Variants in DLGAP1 observed in about 807,000 individuals in gnomAD.
DLGAP1 encodes disks large-associated protein 1.
Under a neutral mutation model 90.8 loss-of-function variants are expected in DLGAP1, and 11 were observed. The observed-to-expected ratio is 0.12, with a 90% confidence interval of 0.08 to 0.20. DLGAP1 has a LOEUF of 0.20. Ranked by LOEUF, DLGAP1 falls within the 10% of genes least tolerant of loss-of-function variation. The pLI is 1.00. For synonymous variants in DLGAP1, 558 were observed against 540.7 expected, an observed-to-expected ratio of 1.03 and a Z score of -0.44; for missense variants, 1,050 against 1,333.8, an observed-to-expected ratio of 0.79 and a Z score of 3.31.
At chr18:3,768,121 C>T (rs752635607) in intron 5 of DLGAP1, among the ~76,000 whole-genome samples, 6 of 152,088 alleles carry the variant, frequency 3.9e-5, no homozygotes, top group Non-Finnish European at 8.8e-5. Flanking sequence ...GGATATAAGG[C>T]TAACATACAA....
rs115994238 is a variant in DLGAP1, at chr18:4,119,041, T to C, written c.-159+32139A>G. On this transcript the variant is annotated intron_variant, in intron 2 of 12. Transcript: ENST00000315677. ...ACATTTTTTCACAACGAAAATTTTC[T>C]CTTCTATTACTTCTCTATATGTTTT... Among the ~76,000 whole-genome samples the C allele has an allele frequency of 2.0e-3, 310 of 152,212 alleles. 2 individuals carry two copies. Among genetic ancestry groups the C allele is most frequent in the African/African-American group, 7.1e-3 (294 of 41,528 alleles).
intron 7 of DLGAP1, among the ~76,000 whole-genome samples, chr18:3,661,995 T>G (rs2146609626): frequency 6.6e-6 from 1 of 152,280 alleles, no homozygotes; most frequent in African/African-American, 2.4e-5. Context: ...TTGCTAACAT[T>G]ATCACTTGTA....
intron 3 of DLGAP1, among the ~76,000 whole-genome samples, chr18:3,931,692 T>C (rs1028290290): frequency 6.6e-6 from 1 of 152,174 alleles, no homozygotes; most frequent in African/African-American, 2.4e-5. Flanking sequence ...ACATATTGCT[T>C]TCAACATCCT....
intron 3 of DLGAP1, among the ~76,000 whole-genome samples, chr18:3,998,636 C>G (rs2074117246): frequency 6.6e-6 from 1 of 152,140 alleles, no homozygotes; most frequent in African/African-American, 2.4e-5. Context: ...TAATATTCAT[C>G]ATGAATTCAT....
intron 4 of DLGAP1, among the ~76,000 whole-genome samples, chr18:3,877,667 T>C (rs1471474356): frequency 3.3e-5 from 5 of 152,128 alleles, no homozygotes; most frequent in Admixed American, 3.3e-4. Context: ...TTAATGGCCA[T>C]TTCTCTAAGT....
intron 2 of DLGAP1, among the ~76,000 whole-genome samples, chr18:4,113,566 G>A (rs2076010681): frequency 6.6e-6 from 1 of 151,922 alleles, no homozygotes; most frequent in Non-Finnish European, 1.5e-5. Flanking sequence ...CATTCTGTAG[G>A]TTATCTGTTT....
intron 9 of DLGAP1, among the ~76,000 whole-genome samples, chr18:3,552,784 C>T (rs978779525): frequency 1.1e-4 from 17 of 152,162 alleles, no homozygotes; most frequent in African/African-American, 4.1e-4. Flanking sequence ...TTTTTAGCTC[C>T]ATCTTCATCC....
At chr18:4,207,908 A>G (rs2077755635) in intron 1 of DLGAP1, among the ~76,000 whole-genome samples, 1 of 152,202 alleles carries the variant, frequency 6.6e-6, no homozygotes, top group Non-Finnish European at 1.5e-5. Context: ...AATGCCTCAT[A>G]TTGTATTATC....
In DLGAP1 at chr18:4,356,121, C is replaced by T. The variant is rs574887114; in HGVS notation, c.-267+98885G>A. On this transcript the variant is annotated intron_variant, in intron 1 of 12. Transcript: ENST00000315677. ...AGGAAGTGCACCGTAGTCAGTTGGACTCTGTCTTCAGGAGGACTTTGTCTT... is the reference window on the plus strand; with the variant it reads ...AGGAAGTGCACCGTAGTCAGTTGGATTCTGTCTTCAGGAGGACTTTGTCTT... 3.3e-5 allele frequency among the ~76,000 whole-genome samples: 5 copies of T among 152,080 alleles called. No individual in the cohort carries two copies. The South Asian group carries it at 8.3e-4, about 25-fold the overall frequency.
intron 3 of DLGAP1, among the ~76,000 whole-genome samples, chr18:3,977,434 G>GGTTTTTTTTTTTTTTTTTTTT (rs767760816): frequency 6.3e-5 from 6 of 95,332 alleles, no homozygotes; most frequent in African/African-American, 2.1e-4. Flanking sequence ...TTTATTCTGT[G>GGTTTTTTTTTTTTTTTTTTTT]TTTTTTTTTT....
At chr18:4,013,591 A>G (rs1400465069) in intron 2 of DLGAP1, 2 of 152,124 alleles carry the variant, frequency 1.3e-5, no homozygotes, top group Non-Finnish European at 2.9e-5. Flanking sequence ...ATTCTCCTCA[A>G]CTCTCTGACA....
At position 3,534,177 on chromosome 18, in the gene DLGAP1, G is replaced by A. The variant is rs2072389; in HGVS notation, c.2479+17C>T. The A allele has an allele frequency of 0.22, 350,757 of 1,603,480 alleles. 40,162 individuals carry two copies. The highest frequency in any genetic ancestry group is 0.24 in the Non-Finnish European group (280,297 of 1,173,764). Reference sequence around the variant, plus strand: ...CAGCCCCAGGGGACGGGTGTGGCACGTGGTGGCATTACTTACTGTCTTCGG... The same window carrying A: ...CAGCCCCAGGGGACGGGTGTGGCACATGGTGGCATTACTTACTGTCTTCGG... On this transcript the variant is annotated intron_variant, in intron 10 of 12. Transcript: ENST00000315677.
chr18:3,594,589 C>T (rs1253471927), intron 7 of DLGAP1: 1 of 152,064 alleles, frequency 6.6e-6, no homozygotes, highest in Non-Finnish European at 1.5e-5. Flanking sequence ...TTTACCTTAT[C>T]ACCTTAACAA....
chr18:4,026,641 A>G (rs1427628411), intron 2 of DLGAP1, among the ~76,000 whole-genome samples: 1 of 152,220 alleles, frequency 6.6e-6, no homozygotes, highest in Non-Finnish European at 1.5e-5. Flanking sequence ...TCAGGAGATC[A>G]CATCATAATC....
chr18:3,555,817 A>G (rs1408560749), intron 9 of DLGAP1, among the ~76,000 whole-genome samples: 1 of 152,214 alleles, frequency 6.6e-6, no homozygotes, highest in Non-Finnish European at 1.5e-5. Flanking sequence ...TCTCAAAAAA[A>G]ATAAATAAAT....
At chr18:4,220,058 C>T (rs890066491) in intron 1 of DLGAP1, among the ~76,000 whole-genome samples, 6 of 152,054 alleles carry the variant, frequency 3.9e-5, no homozygotes, top group Admixed American at 3.3e-4. Context: ...TGAATCTGTA[C>T]ATCACATTGG....
chr18:4,421,375 T>C (rs2083025226), intron 1 of DLGAP1, among the ~76,000 whole-genome samples: 1 of 152,142 alleles, frequency 6.6e-6, no homozygotes, highest in African/African-American at 2.4e-5. Context: ...ACAGAGAATC[T>C]AGTATAGTCC....
chr18:4,243,244 C>T (rs898275470), intron 1 of DLGAP1, among the ~76,000 whole-genome samples: 17 of 59,224 alleles, frequency 2.9e-4, no homozygotes, highest in South Asian at 1.1e-3. Flanking sequence ...TAGTTCTTTT[C>T]GGTTAAAAAG....
intron 5 of DLGAP1, among the ~76,000 whole-genome samples, chr18:3,801,958 C>T (rs1290717637): frequency 1.5e-5 from 2 of 137,318 alleles, no homozygotes; most frequent in Non-Finnish European, 1.6e-5. Context: ...CCACGCAGGC[C>T]ATCTGTGTTT....
Sources: gnomAD v4.1 joint callset for allele counts (sites outside exome capture counted in the v4.1 genomes callset) on GRCh38, gnomAD v4.1.1 for gene constraint, MANE v1.5 for transcripts, NCBI Gene and HGNC (gene_info 2026-07-23, HGNC 2026-07-21) for gene names.